UBR1: variants seen among roughly 807,000 people sequenced by gnomAD.
UBR1 encodes E3 ubiquitin-protein ligase UBR1.
A neutral mutation model predicts 242.1 loss-of-function variants in UBR1; 102 were observed. The ratio of observed to expected loss-of-function variants is 0.42; its 90% CI spans 0.36 to 0.50. UBR1 has a LOEUF of 0.50. UBR1 is among the 20% of genes least tolerant of loss of function. UBR1 has a pLI of 0.01. For missense variants in UBR1, 1,772 were observed against 2,101.8 expected (o/e 0.84, Z 3.07); for synonymous variants, 675 against 684.8 (o/e 0.99, Z 0.22).
Position 43,015,815 on chromosome 15 carries a change from G to A in UBR1, c.3082C>T (p.Leu1028=), listed in dbSNP as rs757482947. ...ERKRKAEAAR[L]HRQKIMAQMS... ...TGAGCCATGATCTTCTGGCGATGTA[G>A]CCTAGCAGCTTCAGCTTTTCTTTTT... The change falls in exon 29 of 47, where the codon CTA becomes TTA. Residue 1028 remains leucine (L), a synonymous_variant. Transcript: ENST00000290650. 6 of 1,614,024 alleles carry A rather than the reference G, an allele frequency of 3.7e-6. No homozygotes were observed. In the African/African-American group the frequency reaches 6.7e-5, roughly 18 times the overall value.
chr15:43,016,907 A>C (rs1362087888), intron 28 of UBR1, among the ~76,000 whole-genome samples, 188 bp downstream of exon 28: 1 of 152,256 alleles, frequency 6.6e-6, no homozygotes, highest in Non-Finnish European at 1.5e-5. Flanking sequence ...TACAAAAATT[A>C]TACTGAGTTG....
chr15:43,008,412 T>G (rs1417957226), intron 29 of UBR1, among the ~76,000 whole-genome samples: 1 of 152,262 alleles, frequency 6.6e-6, no homozygotes, highest in Non-Finnish European at 1.5e-5. Context: ...GGGGCGGTGC[T>G]GACATGTCAG....
intron 1 of UBR1, among the ~76,000 whole-genome samples, chr15:43,090,836 T>C (rs2034097496): frequency 6.6e-6 from 1 of 152,204 alleles, no homozygotes; most frequent in Non-Finnish European, 1.5e-5. Flanking sequence ...AATCACCAGT[T>C]GGTATCAATG....
chr15:43,071,287 G>C (rs1214971600), intron 4 of UBR1, among the ~76,000 whole-genome samples: 1 of 152,136 alleles, frequency 6.6e-6, no homozygotes, highest in African/African-American at 2.4e-5. Flanking sequence ...TGTTTCCCCA[G>C]ATCCTCATGG....
chr15:43,060,795 C>G (rs187799868), intron 6 of UBR1, among the ~76,000 whole-genome samples: 1 of 152,234 alleles, frequency 6.6e-6, no homozygotes, highest in East Asian at 1.9e-4. Context: ...GTGACAGATT[C>G]AGAGATCCAT....
chr15:43,010,715 G>A (rs540251119), intron 29 of UBR1, among the ~76,000 whole-genome samples: 28 of 150,318 alleles, frequency 1.9e-4, no homozygotes, highest in African/African-American at 6.6e-4. Flanking sequence ...CTCACGCCTT[G>A]TAATCCCAGC....
chr15:43,075,186 C>G, intron 3 of UBR1, 97 bp from the exon 4 acceptor site: 1 of 978,026 alleles, frequency 1.0e-6, no homozygotes, highest in Admixed American at 1.7e-5. Context: ...CACCAATACT[C>G]CAACCTTAAT....
chr15:43,018,148 G>A (rs1596103859), intron 27 of UBR1, among the ~76,000 whole-genome samples: 1 of 151,348 alleles, frequency 6.6e-6, no homozygotes, highest in African/African-American at 2.4e-5. Context: ...GACTACAGGT[G>A]CCCGCCATAA....
At chr15:43,004,503 A>C (rs1415965036) in intron 30 of UBR1, among the ~76,000 whole-genome samples, 1 of 152,144 alleles carries the variant, frequency 6.6e-6, no homozygotes, top group Non-Finnish European at 1.5e-5. Flanking sequence ...CTCAGCCTGC[A>C]GAGTGCCTGG....
intron 20 of UBR1, among the ~76,000 whole-genome samples, chr15:43,032,066 T>C (rs2033264955): frequency 6.6e-6 from 1 of 151,406 alleles, no homozygotes; most frequent in Admixed American, 6.6e-5. Flanking sequence ...CAGAACAAGA[T>C]GATGGCAATG....
intron 46 of UBR1, 83 bp downstream of exon 46, chr15:42,950,179 T>C: frequency 8.0e-7 from 1 of 1,255,746 alleles, no homozygotes; most frequent in East Asian, 2.3e-5. Context: ...ACCGTTTACA[T>C]ACAATAATGT....
At chr15:43,062,854 A>G (rs1382760421) in intron 6 of UBR1, among the ~76,000 whole-genome samples, 2 of 152,008 alleles carry the variant, frequency 1.3e-5, no homozygotes, top group African/African-American at 4.8e-5. Context: ...TCTCTTCCCC[A>G]TACTCCCAAT....
At chr15:42,953,494 G>T (rs910877560) in intron 44 of UBR1, among the ~76,000 whole-genome samples, 2 of 152,130 alleles carry the variant, frequency 1.3e-5, no homozygotes, top group Non-Finnish European at 1.5e-5. Context: ...GTCTCCATAG[G>T]AGCAGAGGGA....
At chr15:42,990,988 G>T (rs2032548774) in intron 33 of UBR1, among the ~76,000 whole-genome samples, 1 of 151,020 alleles carries the variant, frequency 6.6e-6, no homozygotes, top group Non-Finnish European at 1.5e-5. Context: ...AAGAGATGAG[G>T]TCTTAGCTGG....
rs973373867 is a variant in UBR1, at chr15:43,036,662, C to G, written c.2023-69G>C. 8.8e-6 allele frequency: 10 copies of G among 1,131,794 alleles called. No individual in the cohort carries two copies. The African/African-American group carries it at 1.5e-4, about 18-fold the overall frequency. 70.1% of individuals were successfully genotyped at this position (1,131,794 alleles called of 1,614,324 possible). A position where few individuals can be genotyped will look rare whatever the true frequency, so the allele number is the denominator to read the frequency against. Reference sequence around the variant, plus strand: ...TTTCAAGCAAAATTCTCAAGAAAACCTATCCTTAAAACTTTCTCTAAGCTA... The same window carrying G: ...TTTCAAGCAAAATTCTCAAGAAAACGTATCCTTAAAACTTTCTCTAAGCTA... On this transcript the variant is annotated intron_variant, in intron 17 of 46. Coordinates refer to ENST00000290650, the MANE Select transcript of UBR1 (RefSeq NM_174916.3).
intron 42 of UBR1, 77 bp from the exon 43 acceptor site, chr15:42,960,778 T>C: frequency 3.4e-6 from 5 of 1,470,200 alleles, no homozygotes; most frequent in Non-Finnish European, 4.7e-6. Context: ...GCCATTCTCT[T>C]TTTTTTTTGA....
intron 39 of UBR1, among the ~76,000 whole-genome samples, chr15:42,974,322 A>G (rs767749343): frequency 6.6e-6 from 1 of 152,216 alleles, no homozygotes; most frequent in Non-Finnish European, 1.5e-5. Flanking sequence ...TTCCAACACC[A>G]TTTGTTGAAA....
intron 21 of UBR1, among the ~76,000 whole-genome samples, chr15:43,029,541 C>G (rs2033226286): frequency 6.6e-6 from 1 of 152,106 alleles, no homozygotes; most frequent in Admixed American, 6.6e-5. Context: ...ACTTTCCTTC[C>G]CTCTTTATTT....
intron 25 of UBR1, among the ~76,000 whole-genome samples, 160 bp from the exon 26 acceptor site, chr15:43,022,961 C>G (rs2033129247): frequency 6.6e-6 from 1 of 152,142 alleles, no homozygotes; most frequent in African/African-American, 2.4e-5. Flanking sequence ...CTCTTGGGCT[C>G]AAGTGATCCT....
Sources: gnomAD v4.1 joint callset for allele counts (sites outside exome capture counted in the v4.1 genomes callset) on GRCh38, gnomAD v4.1.1 for gene constraint, MANE v1.5 for transcripts, NCBI Gene and HGNC (gene_info 2026-07-23, HGNC 2026-07-21) for gene names.